Variants in MYO7B observed in about 807,000 individuals in gnomAD.
MYO7B encodes myosin VIIB.
MYO7B carries 212 observed loss-of-function variants against 259.7 expected under a neutral mutation model. The observed-to-expected ratio is 0.82, with a 90% CI of 0.73 to 0.91. The LOEUF is 0.91. MYO7B is among the 40% of genes least tolerant of loss of function. The pLI, the probability that MYO7B is intolerant of heterozygous loss-of-function variation, is 0.00. For synonymous variants in MYO7B, 1,197 were observed against 1,166.4 expected (o/e 1.03, Z -0.54); for missense variants, 2,732 against 2,813.5 (o/e 0.97, Z 0.66).
Position 127,609,752 on chromosome 2 carries a change from GC to G in MYO7B, c.3024+41del. The G allele has an allele frequency of 1.9e-6, 3 of 1,613,152 alleles. No homozygotes were observed. The highest frequency in any genetic ancestry group is 2.5e-6 in the Non-Finnish European group (3 of 1,179,194). On this transcript the variant is annotated intron_variant, in intron 23 of 47. Transcript: ENST00000409816. The surrounding 1 kb of genome is among the most constrained non-coding windows in gnomAD (Gnocchi z 6.9). The stretch of plus-strand genomic sequence containing the variant: ...CACTGGCTTCTAGTGGATCAGGCCA[GC>G]CCCGAGCCTGGGGTGTGAGCTATGG...
chr2:127,604,474 A>G (rs1375364880), intron 19 of MYO7B, among the ~76,000 whole-genome samples: 5 of 152,298 alleles, frequency 3.3e-5, no homozygotes, highest in Middle Eastern at 3.4e-3. Context: ...AGGCTGTTTC[A>G]CTTTCTCATC....
intron 18 of MYO7B, 108 bp downstream of exon 18, chr2:127,593,752 A>T: frequency 1.0e-6 from 1 of 987,720 alleles, no homozygotes; most frequent in Non-Finnish European, 1.6e-6. Context: ...AGCCAATGAC[A>T]CTGGGCAGCA....
intron 4 of MYO7B, among the ~76,000 whole-genome samples, chr2:127,566,269 C>T (rs1678336948): frequency 6.6e-6 from 1 of 152,146 alleles, no homozygotes; most frequent in Non-Finnish European, 1.5e-5. Context: ...GGTTGGGGTC[C>T]GTGAGGCCCA....
chr2:127,552,922 G>A (rs2104825622), intron 1 of MYO7B, among the ~76,000 whole-genome samples: 1 of 152,334 alleles, frequency 6.6e-6, no homozygotes, highest in African/African-American at 2.4e-5. Context: ...GAGGGATTTT[G>A]GAGCTGGGGA....
rs189660165 is a variant in MYO7B at position 127,576,803 on chromosome 2, A to C, written c.849+95A>C. 2 of 874,214 alleles carry C rather than the reference A, an allele frequency of 2.3e-6. No homozygotes were observed. Among genetic ancestry groups the C allele is most frequent in the East Asian group, 2.8e-5 (1 of 35,854 alleles). 54.2% of individuals were successfully genotyped at this position (874,214 alleles called of 1,614,324 possible). ...CTCCGCGACAGCTGCAGAGAAGCCC[A>C]ACGCTGGCCGGGCCCCTGAGGCGGG... On this transcript the variant is annotated intron_variant, in intron 8 of 47. Transcript: ENST00000409816. This position sits in a 1 kb window ranked among gnomAD's most constrained non-coding sequence, Gnocchi z 4.9.
intron 7 of MYO7B, among the ~76,000 whole-genome samples, chr2:127,574,964 A>G (rs1468415945): frequency 6.6e-6 from 1 of 152,168 alleles, no homozygotes; most frequent in Non-Finnish European, 1.5e-5. Context: ...GTGTGAGTGT[A>G]AGGGGGTGCT....
Position 127,635,654 on chromosome 2 carries a change from G to A in MYO7B, c.5821-68G>A, listed in dbSNP as rs567202723. 834 of 1,481,728 alleles carry A rather than the reference G, an allele frequency of 5.6e-4. 8 individuals are homozygous for A. The South Asian group carries it at 9.0e-3, about 16-fold the overall frequency. The allele number at this position is 1,481,728 out of a possible 1,614,324, so 91.8% of individuals were successfully genotyped here. ...AGCCCCAGTTCCCCACCATCTGAGC[G>A]GGAAAGAGGTTGGGGGCGGGTGGGC... On this transcript the variant is annotated intron_variant, in intron 43 of 47. Transcript: ENST00000409816.
chr2:127,636,280 A>C lies in MYO7B; in HGVS notation c.6079A>C (p.Ile2027Leu). The C allele has an allele frequency of 6.2e-7, 1 of 1,613,566 alleles. No homozygotes were observed. ...GGCCAAGGTGGCCTTCCTGAAGTGG[A>C]TCTGCCGGTGGCCCACCTTCGGATC... ...EEAKVAFLKW[I>L]CRWPTFGSAF... Residue 2027 changes from isoleucine to leucine, a missense_variant, in exon 45 of 48, where the codon ATC (isoleucine) becomes CTC (leucine). Ile to Leu is a conservative substitution (Grantham distance 5). This residue lies in a region of MYO7B where 821 missense variants were observed against 769.3 expected (regional missense o/e 1.07). Coordinates refer to ENST00000409816, the MANE Select transcript of MYO7B (RefSeq NM_001393586.1). The surrounding 1 kb of genome is among the most constrained non-coding windows in gnomAD (Gnocchi z 4.5).
At position 127,620,357 on chromosome 2, in the gene MYO7B, A is replaced by G; in HGVS notation, c.3416A>G (p.Gln1139Arg). The change falls in exon 27 of 48, where the codon CAG becomes CGG. Residue 1139 changes from glutamine to arginine, a missense_variant. Coordinates refer to ENST00000409816, the MANE Select transcript of MYO7B (RefSeq NM_001393586.1). ...TCTTTCAGGGATGAGATTTACTGCC[A>G]GATCTGCAAGCAGCTCTCGGAGAAC... ...RPSLRDEIYC[Q>R]ICKQLSENFK... 1 of 1,612,268 alleles carries G rather than the reference A, an allele frequency of 6.2e-7. No homozygotes were observed. Among genetic ancestry groups the G allele is most frequent in the Middle Eastern group, 1.7e-4 (1 of 6,056 alleles).
intron 4 of MYO7B, among the ~76,000 whole-genome samples, chr2:127,565,806 G>T (rs1042264581): frequency 6.6e-6 from 1 of 152,242 alleles, no homozygotes; most frequent in Admixed American, 6.5e-5. Context: ...GGATGGATGT[G>T]GGCCCTCCGT....
chr2:127,548,826 T>C lies in MYO7B; in HGVS notation c.-23-10874T>C, dbSNP rs1421188074. Among the ~76,000 whole-genome samples, 3 of 152,226 alleles carry C rather than the reference T, an allele frequency of 2.0e-5. No individual in the cohort carries two copies. In the East Asian group the frequency reaches 5.8e-4, roughly 29 times the overall value. On this transcript the variant is annotated intron_variant, in intron 1 of 47. Transcript: ENST00000409816. ...TCATTTTCATTTAATTTTACATTTT[T>C]CTTCGGACTTACCTGACCCATGTGT...
chr2:127,635,526 A>G (rs1291370505), intron 43 of MYO7B, 196 bp from the exon 44 acceptor site: 2 of 672,286 alleles, frequency 3.0e-6, no homozygotes. Flanking sequence ...GGAGCAGGCC[A>G]TCACCTCCAC....
Position 127,584,722 on chromosome 2 carries a change from C to A in MYO7B, c.1555-56C>A. On this transcript the variant is annotated intron_variant, in intron 13 of 47. Transcript: ENST00000409816. The surrounding 1 kb of genome is among the most constrained non-coding windows in gnomAD (Gnocchi z 5.8). Reference sequence around the variant, plus strand: ...TCCATGAGGAAGTCCCTGAGCCTCACCTCCCCATGGCTGGACTCTGGGACC... The same window carrying A: ...TCCATGAGGAAGTCCCTGAGCCTCAACTCCCCATGGCTGGACTCTGGGACC... 6.3e-7 allele frequency: 1 copy of A among 1,599,740 alleles called. No individual in the cohort carries two copies. Among genetic ancestry groups the A allele is most frequent in the Non-Finnish European group, 8.5e-7 (1 of 1,172,148 alleles).
intron 26 of MYO7B, 147 bp from the exon 27 acceptor site, chr2:127,620,193 G>A (rs1408454334): frequency 3.5e-6 from 3 of 868,482 alleles, no homozygotes; most frequent in South Asian, 3.9e-5. Flanking sequence ...CCTGAGAGAG[G>A]AGGAGGCTGG....
rs750684230 is a variant in MYO7B at position 127,636,161 on chromosome 2, G to A, written c.6007-47G>A. On this transcript the variant is annotated intron_variant, in intron 44 of 47. Transcript: ENST00000409816. The surrounding 1 kb of genome is among the most constrained non-coding windows in gnomAD (Gnocchi z 4.5). ...AGGTGCTGCCCCCACCAGGGCTTTGGAGGGCCTCTGGGCACCCAAGTCCTT... is the reference window on the plus strand; with the variant it reads ...AGGTGCTGCCCCCACCAGGGCTTTGAAGGGCCTCTGGGCACCCAAGTCCTT... The A allele has an allele frequency of 1.9e-5, 29 of 1,502,884 alleles. No homozygotes were observed. The highest frequency in any genetic ancestry group is 2.6e-5 in the Non-Finnish European group (28 of 1,086,480). The allele number at this position is 1,502,884 out of a possible 1,614,324, so 93.1% of individuals were successfully genotyped here. A position where few individuals can be genotyped will look rare whatever the true frequency, so the allele number is the denominator to read the frequency against.
chr2:127,617,871 C>A (rs1210998911), intron 26 of MYO7B, among the ~76,000 whole-genome samples: 1 of 63,608 alleles, frequency 1.6e-5, no homozygotes, highest in Non-Finnish European at 2.9e-5. Flanking sequence ...TTTTTTTTTG[C>A]TCCAGCAGAC....
rs757343752 is a variant in MYO7B, at chr2:127,629,734, G to A, written c.4714G>A (p.Gly1572Ser). The A allele has an allele frequency of 2.0e-5, 33 of 1,612,092 alleles. No individual in the cohort carries two copies. The highest frequency in any genetic ancestry group is 8.4e-5 in the Admixed American group (5 of 59,866). ...GLLASENWTL[G>S]QNDRTGKTGL... ...GCTGGCCTCTGAGAACTGGACCCTCGGCCAGAACGACAGGACAGGCAAGAC... is the reference window on the plus strand; with the variant it reads ...GCTGGCCTCTGAGAACTGGACCCTCAGCCAGAACGACAGGACAGGCAAGAC... The change falls in exon 35 of 48, where the codon GGC becomes AGC. Residue 1572 changes from glycine (G) to serine (S), a missense_variant. Gly to Ser is a moderately conservative substitution (Grantham distance 56, BLOSUM62 0). Around this residue, in one of 3 missense-constraint regions of MYO7B, gnomAD observed 821 missense variants for 769.3 expected, o/e 1.07. Transcript: ENST00000409816.
chr2:127,575,595 A>G (rs1383233135), intron 7 of MYO7B, among the ~76,000 whole-genome samples: 2 of 152,182 alleles, frequency 1.3e-5, no homozygotes, highest in African/African-American at 2.4e-5. Flanking sequence ...AAAAGAAAAG[A>G]GATAACTATT....
At chr2:127,618,173 C>T (rs902129738) in intron 26 of MYO7B, among the ~76,000 whole-genome samples, 3 of 152,178 alleles carry the variant, frequency 2.0e-5, no homozygotes, top group African/African-American at 7.2e-5. Flanking sequence ...GCACTTGCAG[C>T]AATTTGCCAC....
Sources: gnomAD v4.1 joint callset for allele counts (sites outside exome capture counted in the v4.1 genomes callset) on GRCh38, gnomAD v4.1.1 for gene constraint, gnomAD v4.1.1 regional missense constraint, Gnocchi (gnomAD v3.1) non-coding constraint, MANE v1.5 for transcripts, NCBI Gene and HGNC (gene_info 2026-07-23, HGNC 2026-07-21) for gene names.